Variants in CEP350 observed in about 807,000 individuals in gnomAD.
CEP350 encodes centrosomal protein 350.
CEP350 carries 126 observed loss-of-function variants against 331.8 expected under a neutral mutation model. That is an observed-to-expected ratio of 0.38 (90% CI 0.33 to 0.44). CEP350 has a LOEUF of 0.44. Among genes scored for constraint, CEP350 ranks in the 20% least tolerant of loss-of-function variants. The pLI is 1.00. For synonymous variants in CEP350, 1,200 were observed against 1,259.5 expected (o/e 0.95, Z 1.00); for missense variants, 3,406 against 3,634.6 (o/e 0.94, Z 1.62).
chr1:180,045,408 A>C (rs1470757797), intron 21 of CEP350, among the ~76,000 whole-genome samples: 1 of 152,196 alleles, frequency 6.6e-6, no homozygotes, highest in African/African-American at 2.4e-5. Flanking sequence ...ATAGCTTTCA[A>C]TTATGGTTCC....
At chr1:179,960,117 C>T (rs751369235) in intron 1 of CEP350, among the ~76,000 whole-genome samples, 3 of 152,116 alleles carry the variant, frequency 2.0e-5, no homozygotes, top group South Asian at 2.1e-4. Flanking sequence ...GAGCCTGTCC[C>T]GGCAAGTAGG....
intron 1 of CEP350, among the ~76,000 whole-genome samples, chr1:179,979,963 G>A (rs779719992): frequency 1.3e-4 from 20 of 152,074 alleles, no homozygotes; most frequent in Non-Finnish European, 2.6e-4. Flanking sequence ...AAATCTGGTA[G>A]TGTGATGCCA....
intron 25 of CEP350, 99 bp from the exon 26 acceptor site, chr1:180,062,117 ATATG>A (rs530369438): frequency 1.5e-5 from 15 of 1,022,004 alleles, no homozygotes; most frequent in Non-Finnish European, 1.8e-5. Context: ...ATAAAATACT[ATATG>A]TATTTATTTT....
intron 25 of CEP350, among the ~76,000 whole-genome samples, chr1:180,057,251 A>G (rs1235117667): frequency 6.6e-6 from 1 of 151,842 alleles, no homozygotes; most frequent in Non-Finnish European, 1.5e-5. Flanking sequence ...GGCGTCTGCC[A>G]CCACACCCAG....
At position 180,078,504 on chromosome 1, in the gene CEP350, C is replaced by T. The variant is rs1370077244; in HGVS notation, c.5809C>T (p.His1937Tyr). The change falls in exon 29 of 38, where the codon CAT becomes TAT. Residue 1937 changes from histidine (H) to tyrosine (Y), a missense_variant. Physicochemically the swap from His to Tyr is moderately conservative, Grantham distance 83. Around this residue, in one of 5 missense-constraint regions of CEP350, gnomAD observed 1,415 missense variants for 1,512.3 expected, o/e 0.94. Coordinates refer to ENST00000367607, the MANE Select transcript of CEP350 (RefSeq NM_014810.5). ...GGAATCTCCAGTACCTCTGTACTCT[C>T]ATCTAAACAGTGAAAGCTCCATTCC... ...EEESPVPLYS[H>Y]LNSESSIPEE... is the part of the protein sequence containing the mutation. The T allele has an allele frequency of 5.0e-6, 8 of 1,613,492 alleles. No homozygotes were observed. The highest frequency in any genetic ancestry group is 3.3e-5 in the Admixed American group (2 of 59,976).
intron 11 of CEP350, 83 bp from the exon 12 acceptor site, chr1:180,019,866 C>T: frequency 7.9e-7 from 1 of 1,273,436 alleles, no homozygotes; most frequent in Non-Finnish European, 1.1e-6. Flanking sequence ...AGTGCATCCT[C>T]ATTACTCTTA....
chr1:180,051,889 A>G (rs755056610), intron 22 of CEP350, among the ~76,000 whole-genome samples: 2 of 152,218 alleles, frequency 1.3e-5, no homozygotes. Flanking sequence ...CTTTACATAT[A>G]TATTGGGTTT....
rs565443856 is a variant in CEP350 at position 180,017,448 on chromosome 1, ATTG to A, written c.2174+1483_2174+1485del. Among the ~76,000 whole-genome samples the A allele has an allele frequency of 2.2e-3, 332 of 152,296 alleles. 1 individual carries two copies. The highest frequency in any genetic ancestry group is 7.8e-3 in the African/African-American group (323 of 41,558). ...ATACTCTCTAGTTCATCTCAGTCCT[ATTG>A]TTGTCAGACATACCCTGCTATATTA... On this transcript the variant is annotated intron_variant, in intron 11 of 37. Coordinates refer to ENST00000367607, the MANE Select transcript of CEP350 (RefSeq NM_014810.5).
chr1:180,074,374 GTAAA>G (rs1353106305), intron 27 of CEP350, among the ~76,000 whole-genome samples: 3 of 152,150 alleles, frequency 2.0e-5, no homozygotes, highest in South Asian at 2.1e-4. Context: ...CTTTACTCAA[GTAAA>G]TAAATAGTTA....
chr1:180,020,283 A>G lies in CEP350; in HGVS notation c.2509A>G (p.Ser837Gly), dbSNP rs756109497. The G allele has an allele frequency of 1.9e-6, 3 of 1,614,050 alleles. No homozygotes were observed. In the Admixed American group the frequency reaches 5.0e-5, roughly 27 times the overall value. The change falls in exon 12 of 38, where the codon AGC becomes GGC. Residue 837 changes from serine to glycine, a missense_variant. Ser to Gly is a moderately conservative substitution (Grantham distance 56). Around this residue, in one of 5 missense-constraint regions of CEP350, gnomAD observed 1,857 missense variants for 1,909.2 expected, o/e 0.97. Transcript: ENST00000367607. ...ALKATAASLS[S>G]RIESEAKKLA... Reference sequence around the variant, plus strand: ...GAAAGCAACAGCTGCTTCTTTGTCCAGCAGAATTGAAAGTGAAGCCAAGAA... The same window carrying G: ...GAAAGCAACAGCTGCTTCTTTGTCCGGCAGAATTGAAAGTGAAGCCAAGAA...
intron 1 of CEP350, among the ~76,000 whole-genome samples, chr1:179,962,208 G>A (rs1021512072): frequency 6.6e-6 from 1 of 151,956 alleles, no homozygotes; most frequent in Non-Finnish European, 1.5e-5. Flanking sequence ...TTTACCTATT[G>A]TTTAGACCCC....
chr1:180,038,036 A>G (rs1656491324), intron 17 of CEP350, among the ~76,000 whole-genome samples: 1 of 152,120 alleles, frequency 6.6e-6, no homozygotes, highest in Non-Finnish European at 1.5e-5. Flanking sequence ...TACCCCAGAA[A>G]GTTGACTTAT....
chr1:180,043,224 T>C (rs776486392), intron 20 of CEP350, 32 bp downstream of exon 20: 1 of 1,579,684 alleles, frequency 6.3e-7, no homozygotes, highest in Non-Finnish European at 8.6e-7. Flanking sequence ...AAATATATAA[T>C]GACTGTCTGT....
intron 1 of CEP350, among the ~76,000 whole-genome samples, chr1:179,956,790 A>G (rs1650201928): frequency 6.6e-6 from 1 of 152,042 alleles, no homozygotes; most frequent in Non-Finnish European, 1.5e-5. Context: ...TATGGCAGAT[A>G]TCCTTATTTT....
chr1:180,063,186 CTTTTT>C (rs35572192), intron 26 of CEP350, among the ~76,000 whole-genome samples: 1 of 106,966 alleles, frequency 9.3e-6, no homozygotes, highest in African/African-American at 3.6e-5. Context: ...AAATTTGAAA[CTTTTT>C]TTTTTTTTTT....
At chr1:179,962,996 A>G (rs924435476) in intron 1 of CEP350, among the ~76,000 whole-genome samples, 4 of 152,172 alleles carry the variant, frequency 2.6e-5, no homozygotes, top group Non-Finnish European at 5.9e-5. Flanking sequence ...CTCTTTAATA[A>G]TAGCAATTCT....
In CEP350 at chr1:180,022,813, G is replaced by A; in HGVS notation, c.3351G>A (p.Gly1117=). ...ATTTTGTCTCCTCTCCAGGGACTGG[G>A]ACTTCGACAGAAAAAAAATCAACTC... ...EDDFVSSPGT[G]TSTEKKSTLE... is the part of the protein sequence containing the mutation. Residue 1117 remains glycine, a synonymous_variant, in exon 13 of 38, where the codon GGG becomes GGA. Transcript: ENST00000367607. The A allele has an allele frequency of 1.3e-6, 2 of 1,594,628 alleles. No individual in the cohort carries two copies. The highest frequency in any genetic ancestry group is 1.7e-6 in the Non-Finnish European group (2 of 1,169,390).
intron 27 of CEP350, 86 bp downstream of exon 27, chr1:180,065,358 A>C: frequency 1.6e-6 from 2 of 1,281,766 alleles, no homozygotes; most frequent in South Asian, 3.3e-5. Context: ...TCACTAGATT[A>C]GATTGAGACA....
rs150653015 is a variant in CEP350, at chr1:180,014,432, C to G, written c.1979C>G (p.Thr660Ser). Residue 660 changes from threonine to serine, a missense_variant, in exon 10 of 38, where the codon ACT (threonine) becomes AGT (serine). Coordinates refer to ENST00000367607, the MANE Select transcript of CEP350 (RefSeq NM_014810.5). The stretch of plus-strand genomic sequence containing the variant: ...TCAGCAACTAGGCGACTACAGGAAA[C>G]TTACTCCAAATTGCTACTAGAAAAG... ...EPSATRRLQETYSKLLLEKTL... is the reference protein window; with the variant it reads ...EPSATRRLQESYSKLLLEKTL... The G allele has an allele frequency of 1.9e-6, 3 of 1,609,290 alleles. No individual in the cohort carries two copies. The African/African-American group carries it at 4.0e-5, about 22-fold the overall frequency.
Sources: gnomAD v4.1 joint callset for allele counts (sites outside exome capture counted in the v4.1 genomes callset) on GRCh38, gnomAD v4.1.1 for gene constraint, gnomAD v4.1.1 regional missense constraint, MANE v1.5 for transcripts, NCBI Gene and HGNC (gene_info 2026-07-23, HGNC 2026-07-21) for gene names.